PRPH2: variants seen among roughly 807,000 people sequenced by gnomAD.
The protein encoded by PRPH2 is peripherin 2.
In PRPH2, 17 loss-of-function variants were observed where a neutral mutation model predicts 31.3. The ratio of observed to expected loss-of-function variants is 0.54; its 90% CI spans 0.37 to 0.81. The LOEUF (loss-of-function observed/expected upper bound fraction) is 0.81, where lower values mean the gene tolerates loss of function less well. Among genes scored for constraint, PRPH2 ranks in the 40% least tolerant of loss-of-function variants. The pLI, the probability that PRPH2 is intolerant of heterozygous loss-of-function variation, is 0.00. For missense variants in PRPH2, 430 were observed against 439.7 expected (o/e 0.98, Z 0.20); for synonymous variants, 165 against 184.4 (o/e 0.89, Z 0.85).
intron 1 of PRPH2, among the ~76,000 whole-genome samples, chr6:42,717,588 G>A (rs1032529477): frequency 3.3e-5 from 5 of 152,070 alleles, no homozygotes; most frequent in Non-Finnish European, 7.4e-5. Context: ...ACATTTTTCA[G>A]GGAAGGGTTT....
At chr6:42,711,986 T>C in intron 1 of PRPH2, 1 of 984,992 alleles carries the variant, frequency 1.0e-6, no homozygotes, top group Non-Finnish European at 1.2e-6. Flanking sequence ...ATGTCCTTCC[T>C]CATGTGCTAC....
At chr6:42,701,191 C>T (rs937906213) in intron 2 of PRPH2, among the ~76,000 whole-genome samples, 1 of 151,952 alleles carries the variant, frequency 6.6e-6, no homozygotes, top group East Asian at 1.9e-4. Flanking sequence ...ATGGCGTGAT[C>T]TCGGCTCACC....
At chr6:42,721,027 T>C (rs1173049896) in intron 1 of PRPH2, among the ~76,000 whole-genome samples, 4 of 152,350 alleles carry the variant, frequency 2.6e-5, no homozygotes, top group Admixed American at 2.6e-4. Flanking sequence ...CATGACTCGC[T>C]AAGTAAACAC....
At chr6:42,716,629 T>G (rs1332197937) in intron 1 of PRPH2, among the ~76,000 whole-genome samples, 1 of 146,720 alleles carries the variant, frequency 6.8e-6, no homozygotes, top group African/African-American at 2.5e-5. Flanking sequence ...TTTTTTTTTT[T>G]TTTTTTTTGA....
At chr6:42,708,362 G>C (rs779377844) in intron 1 of PRPH2, among the ~76,000 whole-genome samples, 1 of 152,236 alleles carries the variant, frequency 6.6e-6, no homozygotes, top group Non-Finnish European at 1.5e-5. Context: ...CGTGGGGAAG[G>C]CAGAAACTGT....
chr6:42,706,871 A>AC (rs1202180835), intron 1 of PRPH2, among the ~76,000 whole-genome samples: 1 of 147,888 alleles, frequency 6.8e-6, no homozygotes, highest in Non-Finnish European at 1.5e-5. Context: ...GGACAAGCAA[A>AC]CATGTTTTCA....
At chr6:42,701,821 A>G (rs1258915395) in intron 2 of PRPH2, among the ~76,000 whole-genome samples, 2 of 149,644 alleles carry the variant, frequency 1.3e-5, no homozygotes, top group Non-Finnish European at 3.0e-5. Flanking sequence ...GTGTGTTTTC[A>G]GGGAATGTGG....
chr6:42,699,254 T>C (rs1457036548), intron 2 of PRPH2, among the ~76,000 whole-genome samples: 2 of 151,994 alleles, frequency 1.3e-5, no homozygotes, highest in East Asian at 3.9e-4. Flanking sequence ...GTTGTAGATA[T>C]GTGGTTTCCC....
At chr6:42,721,046 A>G (rs1248477107) in intron 1 of PRPH2, among the ~76,000 whole-genome samples, 1 of 152,246 alleles carries the variant, frequency 6.6e-6, no homozygotes, top group Non-Finnish European at 1.5e-5. Flanking sequence ...ACCAGCAAGC[A>G]TTTAATGAGT....
intron 2 of PRPH2, among the ~76,000 whole-genome samples, chr6:42,701,630 A>G (rs1262928046): frequency 6.9e-6 from 1 of 144,118 alleles, no homozygotes; most frequent in Non-Finnish European, 1.5e-5. Context: ...CATCTTGGCC[A>G]TCCGAGTACC....
chr6:42,722,478 G>A lies in PRPH2; in HGVS notation c.-144C>T, dbSNP rs1261307922. The A allele has an allele frequency of 5.3e-6, 8 of 1,518,262 alleles. No individual in the cohort carries two copies. Among genetic ancestry groups the A allele is most frequent in the South Asian group, 4.9e-5 (4 of 81,582 alleles). The allele number at this position is 1,518,262 out of a possible 1,614,324, so 94.0% of individuals were successfully genotyped here. ...AGCTGCCCTGGGGGCTACCCATGTC[G>A]AGTCCCACTAGCCTGGGATCCCCGT... On this transcript the variant is annotated 5_prime_UTR_variant, in exon 1 of 3. Coordinates refer to ENST00000230381, the MANE Select transcript of PRPH2 (RefSeq NM_000322.5). This position sits in a 1 kb window ranked among gnomAD's most constrained non-coding sequence, Gnocchi z 4.4.
At chr6:42,715,508 TA>T (rs1170209617) in intron 1 of PRPH2, among the ~76,000 whole-genome samples, 3 of 151,726 alleles carry the variant, frequency 2.0e-5, no homozygotes, top group Admixed American at 2.0e-4. Flanking sequence ...CCGTCTCTAC[TA>T]AAAATACAAA....
At chr6:42,721,598 G>GTTCC (rs1761901588) in intron 1 of PRPH2, among the ~76,000 whole-genome samples, 156 bp downstream of exon 1, 2 of 152,088 alleles carry the variant, frequency 1.3e-5, no homozygotes, top group South Asian at 4.2e-4. Context: ...ATTTCATATG[G>GTTCC]TTCCACCTGA....
At chr6:42,717,043 G>A (rs1761801339) in intron 1 of PRPH2, among the ~76,000 whole-genome samples, 1 of 126,058 alleles carries the variant, frequency 7.9e-6, no homozygotes, top group Admixed American at 1.0e-4. Flanking sequence ...CTGGCCTCAA[G>A]GGATCCTCCT....
intron 1 of PRPH2, among the ~76,000 whole-genome samples, chr6:42,718,035 C>T (rs952568397): frequency 3.3e-5 from 5 of 152,044 alleles, no homozygotes; most frequent in Admixed American, 2.0e-4. Context: ...AGGCCAGGCA[C>T]GGTGGCTCAT....
intron 2 of PRPH2, among the ~76,000 whole-genome samples, chr6:42,704,124 TA>T: frequency 1.2e-5 from 1 of 82,996 alleles, no homozygotes; most frequent in East Asian, 7.0e-4. Flanking sequence ...ATAAAAAAAA[TA>T]AATTTAAGTG....
intron 1 of PRPH2, among the ~76,000 whole-genome samples, chr6:42,720,358 G>A (rs768381951): frequency 1.3e-5 from 2 of 151,864 alleles, no homozygotes; most frequent in African/African-American, 4.8e-5. Flanking sequence ...TTCTACCATC[G>A]GCCTCTCCCA....
chr6:42,716,294 G>A (rs546205213), intron 1 of PRPH2, among the ~76,000 whole-genome samples: 45 of 152,090 alleles, frequency 3.0e-4, no homozygotes, highest in Admixed American at 2.9e-3. Flanking sequence ...GCATGGTGGT[G>A]GGTGCCTATA....
At chr6:42,714,267 C>T (rs1156748942) in intron 1 of PRPH2, among the ~76,000 whole-genome samples, 2 of 152,198 alleles carry the variant, frequency 1.3e-5, no homozygotes, top group East Asian at 3.9e-4. Flanking sequence ...TTATATGACT[C>T]ATTCATATGA....
Sources: gnomAD v4.1 joint callset for allele counts (sites outside exome capture counted in the v4.1 genomes callset) on GRCh38, gnomAD v4.1.1 for gene constraint, Gnocchi (gnomAD v3.1) non-coding constraint, MANE v1.5 for transcripts, NCBI Gene and HGNC (gene_info 2026-07-23, HGNC 2026-07-21) for gene names.